The following SV2C variants were observed in gnomAD, a reference collection of about 807,000 sequenced individuals.
SV2C encodes the protein solute carrier family 22 member B3.
Under a neutral mutation model 79.7 loss-of-function variants are expected in SV2C, and 49 were observed. That is an observed-to-expected ratio of 0.61 (90% CI 0.49 to 0.78). The LOEUF is 0.78. Ranked by LOEUF, SV2C falls within the 30% of genes least tolerant of loss-of-function variation. The pLI, the probability that SV2C is intolerant of heterozygous loss-of-function variation, is 0.00. For synonymous variants in SV2C, 334 were observed against 333.2 expected (o/e 1.00, Z -0.03); for missense variants, 833 against 912.9 (o/e 0.91, Z 1.13).
chr5:76,296,130 C>G, intron 9 of SV2C, 188 bp downstream of exon 9: 2 of 440,642 alleles, frequency 4.5e-6, no homozygotes, highest in Non-Finnish European at 7.4e-6. Context: ...GTATCCATTA[C>G]TTCACTTAAA....
chr5:76,303,533 T>C (rs1748083288), intron 12 of SV2C, among the ~76,000 whole-genome samples: 1 of 152,188 alleles, frequency 6.6e-6, no homozygotes, highest in Admixed American at 6.5e-5. Flanking sequence ...TCCTTCCTTT[T>C]TCTTGTATAC....
At chr5:75,933,095 G>T in the SV2C span, among the ~76,000 whole-genome samples, 1 of 152,090 alleles carries the variant, frequency 6.6e-6, no homozygotes, top group Non-Finnish European at 1.5e-5. Flanking sequence ...CTCTCTATGG[G>T]AGTTTTTCTT....
Position 76,295,884 on chromosome 5 carries a change from A to G in SV2C, c.1444A>G (p.Thr482Ala). ...NVERDKYANF[T>A]INFTMENQIH... ...GGAGAGAGATAAATATGCAAATTTC[A>G]CTATTAACTTTACAATGGAAAATCA... The change falls in exon 9 of 13, where the codon ACT becomes GCT. Residue 482 changes from threonine to alanine, a missense_variant. Thr to Ala is a moderately conservative substitution (Grantham distance 58). Transcript: ENST00000502798. The G allele has an allele frequency of 6.2e-7, 1 of 1,613,406 alleles. No individual in the cohort carries two copies. The highest frequency in any genetic ancestry group is 8.5e-7 in the Non-Finnish European group (1 of 1,179,658).
At chr5:75,982,065 C>A in the SV2C span, among the ~76,000 whole-genome samples, 3 of 118,870 alleles carry the variant, frequency 2.5e-5, no homozygotes, top group Admixed American at 1.2e-4. Flanking sequence ...GAATATCACA[C>A]TCTGGGGACT....
chr5:75,965,740 T>G, the SV2C span, among the ~76,000 whole-genome samples: 8 of 152,210 alleles, frequency 5.3e-5, no homozygotes, highest in Non-Finnish European at 8.8e-5. Context: ...AGATTGAGTT[T>G]TTTTTATTCT....
At chr5:76,034,980 A>G in the SV2C span, among the ~76,000 whole-genome samples, 1 of 151,890 alleles carries the variant, frequency 6.6e-6, no homozygotes, top group Non-Finnish European at 1.5e-5. Flanking sequence ...GTCTTGGGAG[A>G]GTGTATGTGT....
At chr5:75,859,923 C>T in the SV2C span, among the ~76,000 whole-genome samples, 1 of 152,118 alleles carries the variant, frequency 6.6e-6, no homozygotes, top group Admixed American at 6.5e-5. Context: ...CCCATTTGCC[C>T]TAAGAACAAA....
intron 1 of SV2C, among the ~76,000 whole-genome samples, chr5:76,109,885 T>G (rs553463084): frequency 6.6e-6 from 1 of 152,340 alleles, no homozygotes; most frequent in South Asian, 2.1e-4. Context: ...TGGTATATTT[T>G]TACTTGGAAA....
At chr5:75,975,864 C>T in the SV2C span, among the ~76,000 whole-genome samples, 3 of 152,126 alleles carry the variant, frequency 2.0e-5, no homozygotes, top group African/African-American at 7.2e-5. Flanking sequence ...CCTTACAGCT[C>T]TACATAAAAC....
chr5:75,890,591 A>G, the SV2C span, among the ~76,000 whole-genome samples: 2 of 152,132 alleles, frequency 1.3e-5, no homozygotes, highest in South Asian at 2.1e-4. Flanking sequence ...CACCAGGTCT[A>G]TCTCCTGCTT....
the SV2C span, among the ~76,000 whole-genome samples, chr5:76,073,553 G>T: frequency 1.0e-5 from 1 of 95,930 alleles, no homozygotes; most frequent in Non-Finnish European, 2.1e-5. Flanking sequence ...ATACACCATG[G>T]AATACTACTC....
At chr5:76,154,285 T>A (rs1330014089) in intron 2 of SV2C, among the ~76,000 whole-genome samples, 2 of 152,198 alleles carry the variant, frequency 1.3e-5, no homozygotes, top group Admixed American at 1.3e-4. Context: ...CTGCCTTTTC[T>A]GTCTTTTGCT....
Position 76,195,105 on chromosome 5 carries a change from G to T in SV2C, c.761+6G>T. On this transcript the variant is annotated splice_donor_region_variant and intron_variant, in intron 3 of 12. Coordinates refer to ENST00000502798, the MANE Select transcript of SV2C (RefSeq NM_014979.4). ...CGCTTACTTTCTGGATTCGGGTAAG[G>T]TTTTCTCCTTCATATTTTATAGTAA... The T allele has an allele frequency of 6.2e-7, 1 of 1,611,056 alleles. No homozygotes were observed. The highest frequency in any genetic ancestry group is 1.1e-5 in the South Asian group (1 of 90,512).
At chr5:76,254,214 ATGTGTGTGTATATATATG>A (rs1366488517) in intron 4 of SV2C, among the ~76,000 whole-genome samples, 11 of 144,374 alleles carry the variant, frequency 7.6e-5, no homozygotes, top group South Asian at 2.2e-4. Flanking sequence ...GTGTATATAT[ATGTGTGTGTATATATATG>A]TGTGTGTGTA....
intron 1 of SV2C, among the ~76,000 whole-genome samples, chr5:76,124,484 A>AT (rs1165614174): frequency 5.3e-5 from 8 of 152,184 alleles, no homozygotes; most frequent in African/African-American, 1.9e-4. Flanking sequence ...TTGTCTGTGT[A>AT]TACCACATTT....
intron 1 of SV2C, among the ~76,000 whole-genome samples, chr5:76,085,173 G>A (rs1280650184): frequency 6.6e-6 from 1 of 152,160 alleles, no homozygotes; most frequent in Non-Finnish European, 1.5e-5. Flanking sequence ...GAAAGGCCTC[G>A]TGCTCGTGGG....
At chr5:76,078,852 G>T (rs1746929587), upstream of SV2C, 1 of 581,394 alleles carries the variant, frequency 1.7e-6, no homozygotes, top group Admixed American at 1.9e-5. Flanking sequence ...TTGCCAATTT[G>T]AGAATTTACC....
the SV2C span, among the ~76,000 whole-genome samples, chr5:76,054,570 C>T: frequency 5.9e-5 from 9 of 152,226 alleles, no homozygotes; most frequent in Middle Eastern, 3.2e-3. Flanking sequence ...AATCGCCACA[C>T]TGACTTCCAC....
At chr5:76,054,989 G>T in the SV2C span, among the ~76,000 whole-genome samples, 1 of 152,070 alleles carries the variant, frequency 6.6e-6, no homozygotes, top group Admixed American at 6.6e-5. Context: ...CTGTGCAAAA[G>T]TTCTTTAGTT....
Sources: allele counts gnomAD v4.1 joint callset (sites outside exome capture counted in the v4.1 genomes callset), GRCh38; gene constraint gnomAD v4.1.1; transcripts MANE v1.5; gene names NCBI Gene and HGNC (gene_info 2026-07-23, HGNC 2026-07-21).